The following ATRX variants were observed in gnomAD, a reference collection of about 807,000 sequenced individuals.
ATRX encodes ATRX chromatin remodeler.
ATRX carries 12 observed loss-of-function variants against 172.6 expected under a neutral mutation model. The observed-to-expected ratio is 0.07, with a 90% CI of 0.04 to 0.11. The LOEUF (loss-of-function observed/expected upper bound fraction) is 0.11. ATRX is among the 10% of genes least tolerant of loss of function. The pLI, the probability that ATRX is intolerant of heterozygous loss-of-function variation, is 1.00. For missense variants in ATRX, 1,368 were observed against 1,767.4 expected, an observed-to-expected ratio of 0.77 and a Z score of 4.05; for synonymous variants, 674 against 594.7, an observed-to-expected ratio of 1.13 and a Z score of -1.94.
intron 22 of ATRX, among the ~76,000 whole-genome samples, chrX:77,602,711 T>A (rs1450999025): frequency 1.8e-5 from 2 of 110,958 alleles, no homozygotes; most frequent in Non-Finnish European, 3.8e-5. Flanking sequence ...TATTTGTAAA[T>A]TTTTAAACTT....
intron 1 of ATRX, among the ~76,000 whole-genome samples, chrX:77,765,158 A>C (rs1410193213): frequency 9.0e-6 from 1 of 111,592 alleles, no homozygotes; most frequent in African/African-American, 3.3e-5. Context: ...CAGAGCAAAA[A>C]CTCTGTCTCA....
At chrX:77,537,708 C>T (rs782130303) in intron 30 of ATRX, among the ~76,000 whole-genome samples, 38 of 110,484 alleles carry the variant, frequency 3.4e-4, no homozygotes, top group African/African-American at 1.2e-3. Context: ...GTGTTTTACA[C>T]CCTAACCAAG....
At chrX:77,749,455 CT>C (rs782337308) in intron 1 of ATRX, among the ~76,000 whole-genome samples, 86 of 110,979 alleles carry the variant, frequency 7.7e-4, no homozygotes, top group African/African-American at 2.7e-3. Context: ...AATTTATTTC[CT>C]TTTCGATATA....
intron 25 of ATRX, among the ~76,000 whole-genome samples, chrX:77,597,654 T>C (rs2066514433): frequency 9.0e-6 from 1 of 111,538 alleles, no homozygotes; most frequent in Non-Finnish European, 1.9e-5. Context: ...CAGATACTTC[T>C]CAAAAGAGAA....
intron 2 of ATRX, among the ~76,000 whole-genome samples, chrX:77,706,352 T>C (rs1340446830): frequency 1.8e-5 from 2 of 110,712 alleles, no homozygotes; most frequent in Non-Finnish European, 3.8e-5. Context: ...CAATAAATGG[T>C]GCTGAGACAA....
At position 77,684,520 on chromosome X, in the gene ATRX, G is replaced by A. The variant is rs122445105; in HGVS notation, c.736C>T (p.Arg246Cys). The A allele has an allele frequency of 1.7e-6, 2 of 1,210,335 alleles. No homozygotes were observed. Among genetic ancestry groups the A allele is most frequent in the Non-Finnish European group, 2.2e-6 (2 of 894,682 alleles). Residue 246 changes from arginine to cysteine, a missense_variant, in exon 9 of 35, where the codon CGC (arginine) becomes TGC (cysteine). Around this residue, in one of 17 missense-constraint regions of ATRX, gnomAD observed 9 missense variants for 69.7 expected, o/e 0.13. Transcript: ENST00000373344. ...HNAFCKKCIL[R>C]NLGRKELSTI... ...GACAACTCCTTTCGACCAAGGTTGC[G>A]TAGAATGCATTTCTTGCAGAAAGCA... is the stretch of plus-strand genomic sequence containing the variant.
Position 77,756,790 on chromosome X carries a change from A to AT in ATRX, c.20+29191dup, listed in dbSNP as rs1200894988. ...CCAGAGCTGTTCCTATTCAGCCATC[A>AT]TTTTTTTTTTTTTAAGATGGAGTCT... On this transcript the variant is annotated intron_variant, in intron 1 of 34. Coordinates refer to ENST00000373344, the MANE Select transcript of ATRX (RefSeq NM_000489.6). Among the ~76,000 whole-genome samples, 264 of 100,098 alleles carry AT rather than the reference A, an allele frequency of 2.6e-3. 1 individual carries two copies. Among genetic ancestry groups the AT allele is most frequent in the East Asian group, 0.02 (64 of 3,213 alleles). 86.9% of individuals were successfully genotyped at this position (100,098 alleles called of 115,157 possible). A position where few individuals can be genotyped will look rare whatever the true frequency, so the allele number is the denominator to read the frequency against.
At chrX:77,698,497 G>A (rs2148685299) in intron 3 of ATRX, 77 bp downstream of exon 3, 1 of 940,890 alleles carries the variant, frequency 1.1e-6, no homozygotes, top group South Asian at 2.0e-5. Context: ...ACATACATGT[G>A]TCCAGAAGCA....
At chrX:77,539,473 T>C (rs1259425814) in intron 30 of ATRX, among the ~76,000 whole-genome samples, 2 of 109,560 alleles carry the variant, frequency 1.8e-5, no homozygotes, top group South Asian at 4.0e-4. Context: ...ATATAAGAGG[T>C]AGAACATATA....
At chrX:77,663,818 AG>A (rs1255212534) in intron 11 of ATRX, among the ~76,000 whole-genome samples, 8 of 111,833 alleles carry the variant, frequency 7.2e-5, no homozygotes, top group Non-Finnish European at 1.1e-4. Context: ...TCATCTGTTT[AG>A]GGCCGGGTGC....
intron 2 of ATRX, among the ~76,000 whole-genome samples, chrX:77,710,888 A>G (rs963494912): frequency 9.2e-6 from 1 of 108,945 alleles, no homozygotes; most frequent in Admixed American, 1.0e-4. Context: ...CTGTGGTGGT[A>G]GATGCATGAA....
intron 2 of ATRX, among the ~76,000 whole-genome samples, chrX:77,705,497 C>T (rs2072765774): frequency 8.9e-6 from 1 of 112,312 alleles, no homozygotes; most frequent in African/African-American, 3.2e-5. Context: ...ATCACCAATA[C>T]TCCACAAACT....
intron 30 of ATRX, among the ~76,000 whole-genome samples, chrX:77,550,484 T>G (rs782506429): frequency 1.8e-5 from 2 of 111,388 alleles, no homozygotes; most frequent in East Asian, 5.7e-4. Context: ...TAAGAGCTAT[T>G]TATGACATAC....
intron 13 of ATRX, among the ~76,000 whole-genome samples, chrX:77,654,511 T>TA (rs1214100737): frequency 5.4e-5 from 6 of 110,172 alleles, no homozygotes; most frequent in Non-Finnish European, 7.6e-5. Flanking sequence ...TCATCATCAC[T>TA]AAAAAAAAGC....
intron 30 of ATRX, among the ~76,000 whole-genome samples, chrX:77,534,348 A>G (rs1285904887): frequency 2.7e-5 from 3 of 112,218 alleles, no homozygotes; most frequent in Non-Finnish European, 5.6e-5. Flanking sequence ...AGGGGACAAA[A>G]AAGTATTTGT....
intron 30 of ATRX, among the ~76,000 whole-genome samples, chrX:77,524,698 C>A: frequency 9.1e-6 from 1 of 109,604 alleles, no homozygotes; most frequent in Non-Finnish European, 1.9e-5. Context: ...CCTTTCTTAA[C>A]AGAACTGATA....
chrX:77,667,293 ATATGTGTGTGTGTGTG>A (rs1353066190), intron 10 of ATRX, among the ~76,000 whole-genome samples: 1 of 60,563 alleles, frequency 1.7e-5, no homozygotes, highest in East Asian at 5.5e-4. Flanking sequence ...GGACGAATAA[ATATGTGTGTGTGTGTG>A]TGTGTGTGTG....
At chrX:77,634,231 G>GT (rs1389068214) in intron 17 of ATRX, among the ~76,000 whole-genome samples, 7 of 12,096 alleles carry the variant, frequency 5.8e-4, no homozygotes, top group Non-Finnish European at 8.9e-4. Context: ...GTTAAAAGTT[G>GT]TAAAAAAAAA....
chrX:77,577,556 G>T (rs1251380396), intron 27 of ATRX, among the ~76,000 whole-genome samples: 1 of 110,488 alleles, frequency 9.1e-6, no homozygotes, highest in Non-Finnish European at 1.9e-5. Flanking sequence ...CATATGGTAG[G>T]TTGCCTTTTT....
Sources: gnomAD v4.1 joint callset for allele counts (sites outside exome capture counted in the v4.1 genomes callset) on GRCh38, gnomAD v4.1.1 for gene constraint, gnomAD v4.1.1 regional missense constraint, MANE v1.5 for transcripts, NCBI Gene and HGNC (gene_info 2026-07-23, HGNC 2026-07-21) for gene names.